The following FAM193A variants were observed in gnomAD, a reference collection of about 807,000 sequenced individuals.
The protein encoded by FAM193A is family with sequence similarity 193 member A.
In FAM193A, 22 loss-of-function variants were observed where a neutral mutation model predicts 126.5. That is an observed-to-expected ratio of 0.17 (90% CI 0.12 to 0.25). The LOEUF (loss-of-function observed/expected upper bound fraction) is 0.25. Among genes scored for constraint, FAM193A ranks in the 10% least tolerant of loss-of-function variants. The probability of loss-of-function intolerance (pLI) is 1.00; values close to 1 mark genes in which losing one functional copy is unlikely to be tolerated. For synonymous variants in FAM193A, 761 were observed against 646.8 expected, an observed-to-expected ratio of 1.18 and a Z score of -2.68; for missense variants, 1,675 against 1,672.8, an observed-to-expected ratio of 1.00 and a Z score of -0.02.
chr4:2,658,716 T>TA (rs1346469128), intron 8 of FAM193A, among the ~76,000 whole-genome samples: 1 of 152,186 alleles, frequency 6.6e-6, no homozygotes, highest in East Asian at 1.9e-4. Flanking sequence ...GCTTACCTCT[T>TA]CCCTTTCCCC....
chr4:2,568,725 A>G (rs1010829236), intron 1 of FAM193A, among the ~76,000 whole-genome samples: 1 of 152,156 alleles, frequency 6.6e-6, no homozygotes, highest in Non-Finnish European at 1.5e-5. Flanking sequence ...AAAAAGGAGG[A>G]GTGATTATTT....
chr4:2,538,299 T>A (rs1215487150), intron 1 of FAM193A, among the ~76,000 whole-genome samples: 10 of 151,886 alleles, frequency 6.6e-5, no homozygotes, highest in African/African-American at 2.2e-4. Flanking sequence ...CCTCCCGGGT[T>A]CAAGCGATTC....
At chr4:2,555,905 A>G (rs1169742325) in intron 1 of FAM193A, among the ~76,000 whole-genome samples, 2 of 137,330 alleles carry the variant, frequency 1.5e-5, no homozygotes, top group East Asian at 2.2e-4. Context: ...CGTGAGAGAC[A>G]CTGTTTTTTT....
At chr4:2,672,026 A>G (rs1713855031) in intron 12 of FAM193A, 95 bp from the exon 13 acceptor site, 1 of 1,386,348 alleles carries the variant, frequency 7.2e-7, no homozygotes, top group South Asian at 1.3e-5. Flanking sequence ...TTACCTTTGT[A>G]TTTGCTTTGT....
Position 2,575,559 on chromosome 4 carries a change from C to T in FAM193A, c.256-20525C>T, listed in dbSNP as rs558140941. Among the ~76,000 whole-genome samples the T allele has an allele frequency of 8.6e-5, 13 of 150,924 alleles. No individual in the cohort carries two copies. In the East Asian group the frequency reaches 2.1e-3, roughly 25 times the overall value. On this transcript the variant is annotated intron_variant, in intron 1 of 20. Transcript: ENST00000637812. ...TCGGCTCGCTGCAACCTCTGCTTCCCGGGTTCAAGTGATTCTCCTGCCTTA... is the reference window on the plus strand; with the variant it reads ...TCGGCTCGCTGCAACCTCTGCTTCCTGGGTTCAAGTGATTCTCCTGCCTTA...
At position 2,539,373 on chromosome 4, in the gene FAM193A, A is replaced by G. The variant is rs147527878; in HGVS notation, c.255+2203A>G. ...CCCTTGCCACTGTGCCCACCTGAGT[A>G]TTATTTTTGACAGGACTGTGATATT... On this transcript the variant is annotated intron_variant, in intron 1 of 20. Coordinates refer to ENST00000637812, the MANE Select transcript of FAM193A (RefSeq NM_001366318.2). Among the ~76,000 whole-genome samples, 23 of 152,118 alleles carry G rather than the reference A, an allele frequency of 1.5e-4. No homozygotes were observed. The East Asian group carries it at 4.4e-3, about 29-fold the overall frequency.
intron 18 of FAM193A, among the ~76,000 whole-genome samples, chr4:2,697,385 A>G (rs1717161004): frequency 6.6e-6 from 1 of 152,028 alleles, no homozygotes; most frequent in Non-Finnish European, 1.5e-5. Context: ...CTCTTGGAGG[A>G]TTGTCTAAAT....
At chr4:2,694,332 C>T (rs1366003421) in intron 16 of FAM193A, among the ~76,000 whole-genome samples, 2 of 151,920 alleles carry the variant, frequency 1.3e-5, no homozygotes, top group African/African-American at 2.4e-5. Context: ...TGCAGTAGTG[C>T]GATCTCAGCT....
At chr4:2,564,387 G>T (rs538816147) in intron 1 of FAM193A, among the ~76,000 whole-genome samples, 1 of 151,984 alleles carries the variant, frequency 6.6e-6, no homozygotes, top group African/African-American at 2.4e-5. Flanking sequence ...CTGGCCAGGA[G>T]CATGTAACTT....
At chr4:2,715,499 A>AT in intron 19 of FAM193A, 11 of 987,884 alleles carry the variant, frequency 1.1e-5, no homozygotes, top group African/African-American at 1.7e-5. Flanking sequence ...TATGGGTGAG[A>AT]TGAATGCCTG....
At chr4:2,629,167 T>A (rs1743290364) in intron 4 of FAM193A, among the ~76,000 whole-genome samples, 1 of 151,400 alleles carries the variant, frequency 6.6e-6, no homozygotes, top group Admixed American at 6.6e-5. Flanking sequence ...AAAATCTGTT[T>A]GCAAAAGTAT....
At chr4:2,604,533 T>A (rs1741411186) in intron 2 of FAM193A, among the ~76,000 whole-genome samples, 1 of 152,212 alleles carries the variant, frequency 6.6e-6, no homozygotes, top group African/African-American at 2.4e-5. Flanking sequence ...GAAATTATTA[T>A]TAAGTCTTTA....
At chr4:2,548,851 ACAT>A (rs1737728867) in intron 1 of FAM193A, among the ~76,000 whole-genome samples, 1 of 151,832 alleles carries the variant, frequency 6.6e-6, no homozygotes, top group Non-Finnish European at 1.5e-5. Context: ...GTCATTTCTA[ACAT>A]CTCTGTTTTA....
intron 1 of FAM193A, among the ~76,000 whole-genome samples, chr4:2,543,931 T>C (rs1476860941): frequency 1.3e-5 from 2 of 150,032 alleles, no homozygotes; most frequent in Non-Finnish European, 3.0e-5. Context: ...TATCCTCTGC[T>C]TTGATGGTAT....
intron 5 of FAM193A, among the ~76,000 whole-genome samples, chr4:2,637,633 T>C (rs996392190): frequency 6.6e-6 from 1 of 152,258 alleles, no homozygotes; most frequent in African/African-American, 2.4e-5. Context: ...TTTCTGCCTC[T>C]AGCTCAGCAG....
chr4:2,653,960 C>T (rs1365173659), intron 7 of FAM193A, among the ~76,000 whole-genome samples: 1 of 152,144 alleles, frequency 6.6e-6, no homozygotes, highest in African/African-American at 2.4e-5. Context: ...AGTATGTCAG[C>T]AGGGCTATGT....
intron 20 of FAM193A, among the ~76,000 whole-genome samples, chr4:2,721,495 TAAAAC>T (rs965092148): frequency 4.6e-5 from 7 of 151,990 alleles, no homozygotes; most frequent in South Asian, 4.1e-4. Flanking sequence ...CCAAAAAAAT[TAAAAC>T]AAAAGGCAAA....
chr4:2,716,623 G>A (rs960760633), intron 20 of FAM193A, among the ~76,000 whole-genome samples: 1 of 152,188 alleles, frequency 6.6e-6, no homozygotes, highest in African/African-American at 2.4e-5. Context: ...AGTTTTATCA[G>A]TGCTTGTTCT....
chr4:2,646,121 A>G (rs1405062275), intron 6 of FAM193A, among the ~76,000 whole-genome samples: 1 of 108,272 alleles, frequency 9.2e-6, no homozygotes, highest in African/African-American at 3.5e-5. Context: ...TTCAGTGCTC[A>G]TTTTTTTCTT....
Sources: allele counts gnomAD v4.1 joint callset (sites outside exome capture counted in the v4.1 genomes callset), GRCh38; gene constraint gnomAD v4.1.1; transcripts MANE v1.5; gene names NCBI Gene and HGNC (gene_info 2026-07-23, HGNC 2026-07-21).